The following ADAMTS9 variants were observed in gnomAD, a reference collection of about 807,000 sequenced individuals.
ADAMTS9 encodes the protein ADAM metallopeptidase with thrombospondin type 1 motif 9, also known as A disintegrin and metalloproteinase with thrombospondin motifs 9.
A neutral mutation model predicts 257.1 loss-of-function variants in ADAMTS9; 107 were observed. The ratio of observed to expected loss-of-function variants is 0.42; its 90% CI spans 0.36 to 0.49. The LOEUF (loss-of-function observed/expected upper bound fraction) is 0.49. Ranked by LOEUF, ADAMTS9 falls within the 20% of genes least tolerant of loss-of-function variation. The probability of loss-of-function intolerance (pLI) is 0.03; values close to 1 mark genes in which losing one functional copy is unlikely to be tolerated. For missense variants in ADAMTS9, 2,353 were observed against 2,469.1 expected (o/e 0.95, Z 1.00); for synonymous variants, 982 against 880.9 (o/e 1.11, Z -2.03).
chr3:64,542,479 G>A (rs2083138946), intron 32 of ADAMTS9, among the ~76,000 whole-genome samples: 1 of 145,492 alleles, frequency 6.9e-6, no homozygotes, highest in African/African-American at 2.6e-5. Flanking sequence ...CTAGGCCGGA[G>A]TGCAATGGCA....
chr3:64,668,738 C>A lies in ADAMTS9; in HGVS notation c.680-9947G>T, dbSNP rs1576179137. ...CTGCTGGAACGAAGTGGCTCCCAGG[C>A]CTGCCGCTGGGATCTGCCTGCTATC... is the stretch of plus-strand genomic sequence containing the variant. On this transcript the variant is annotated intron_variant, in intron 3 of 39. Transcript: ENST00000498707. 3.9e-5 allele frequency among the ~76,000 whole-genome samples: 6 copies of A among 152,254 alleles called. No individual in the cohort carries two copies. The South Asian group carries it at 1.2e-3, about 32-fold the overall frequency.
At chr3:64,624,324 AAAC>A (rs1386145996) in intron 16 of ADAMTS9, among the ~76,000 whole-genome samples, 1 of 152,120 alleles carries the variant, frequency 6.6e-6, no homozygotes, top group Non-Finnish European at 1.5e-5. Flanking sequence ...AGAAAAAAGA[AAAC>A]AAAAGGAAAT....
rs560286644 is a variant in ADAMTS9, at chr3:64,539,030, C to G, written c.5613+173G>C. On this transcript the variant is annotated intron_variant, in intron 37 of 39. Coordinates refer to ENST00000498707, the MANE Select transcript of ADAMTS9 (RefSeq NM_182920.2). Reference sequence around the variant, plus strand: ...TTTCCTTAGGACCCACTTTCAGGAGCTGAATTACGAGATTAGACTCCAGAG... The same window carrying G: ...TTTCCTTAGGACCCACTTTCAGGAGGTGAATTACGAGATTAGACTCCAGAG... Among the ~76,000 whole-genome samples the G allele has an allele frequency of 6.6e-5, 10 of 152,258 alleles. 1 individual carries two copies. The highest frequency in any genetic ancestry group is 2.2e-4 in the African/African-American group (9 of 41,558).
At chr3:64,535,915 G>C (rs1188740128) in intron 37 of ADAMTS9, among the ~76,000 whole-genome samples, 1 of 151,836 alleles carries the variant, frequency 6.6e-6, no homozygotes, top group Non-Finnish European at 1.5e-5. Context: ...AACTCAAAGT[G>C]CCCAGGCCAT....
chr3:64,591,916 T>C (rs1451562748), intron 28 of ADAMTS9, among the ~76,000 whole-genome samples: 1 of 152,182 alleles, frequency 6.6e-6, no homozygotes, highest in East Asian at 1.9e-4. Context: ...ATACTTTTTA[T>C]TGTTGTTAGT....
At chr3:64,594,956 T>G (rs2084337063) in intron 27 of ADAMTS9, among the ~76,000 whole-genome samples, 1 of 152,074 alleles carries the variant, frequency 6.6e-6, no homozygotes, top group Admixed American at 6.6e-5. Context: ...TCGGCTAATT[T>G]TTTTGTATTT....
At position 64,536,832 on chromosome 3, in the gene ADAMTS9, T is replaced by C. The variant is rs79260672; in HGVS notation, c.5613+2371A>G. Reference sequence around the variant, plus strand: ...CATCTACTGTCATCAGGATAAAAAATATTCTGGTTATGTTTCAAGATGAGG... The same window carrying C: ...CATCTACTGTCATCAGGATAAAAAACATTCTGGTTATGTTTCAAGATGAGG... On this transcript the variant is annotated intron_variant, in intron 37 of 39. Coordinates refer to ENST00000498707, the MANE Select transcript of ADAMTS9 (RefSeq NM_182920.2). Among the ~76,000 whole-genome samples the C allele has an allele frequency of 7.0e-3, 1,062 of 152,242 alleles. 8 individuals carry two copies. The highest frequency in any genetic ancestry group is 0.025 in the African/African-American group (1,036 of 41,512).
intron 3 of ADAMTS9, among the ~76,000 whole-genome samples, chr3:64,668,721 A>G (rs1701409374): frequency 6.6e-6 from 1 of 152,314 alleles, no homozygotes; most frequent in African/African-American, 2.4e-5. Flanking sequence ...GGCTGCTGGA[A>G]CGAAGTGGCT....
chr3:64,594,478 G>A (rs778172666), intron 27 of ADAMTS9, 44 bp from the exon 28 acceptor site: 7 of 1,593,088 alleles, frequency 4.4e-6, no homozygotes, highest in African/African-American at 1.3e-5. Flanking sequence ...TGTCTGAAAG[G>A]CCAATGACAA....
Position 64,654,254 on chromosome 3 carries a change from C to T in ADAMTS9, c.1316+99G>A, listed in dbSNP as rs552864119. 22 of 1,201,212 alleles carry T rather than the reference C, an allele frequency of 1.8e-5. No homozygotes were observed. The Admixed American group carries it at 1.9e-4, about 10-fold the overall frequency. The allele number at this position is 1,201,212 out of a possible 1,614,324, so 74.4% of individuals were successfully genotyped here. On this transcript the variant is annotated intron_variant, in intron 8 of 39. Transcript: ENST00000498707. The stretch of plus-strand genomic sequence containing the variant: ...GCAACTCTACTATGACTCGGGAAGT[C>T]TCTTACACACTCGAAAGTCAAGTAA...
At chr3:64,650,001 G>A in intron 9 of ADAMTS9, 1 of 487,302 alleles carries the variant, frequency 2.1e-6, no homozygotes, top group Admixed American at 3.9e-5. Flanking sequence ...TAGCCAGTAG[G>A]AAATATACAC....
At chr3:64,611,031 G>C (rs1358681703) in intron 22 of ADAMTS9, among the ~76,000 whole-genome samples, 1 of 142,328 alleles carries the variant, frequency 7.0e-6, no homozygotes, top group Non-Finnish European at 1.5e-5. Flanking sequence ...AGCCGAGATG[G>C]CGCCACTGCA....
rs80061396 is a variant in ADAMTS9 at position 64,605,024 on chromosome 3, G to C, written c.3475-693C>G. Among the ~76,000 whole-genome samples, 499 of 152,332 alleles carry C rather than the reference G, an allele frequency of 3.3e-3. 12 individuals carry two copies. In the East Asian group the frequency reaches 0.045, roughly 14 times the overall value. On this transcript the variant is annotated intron_variant, in intron 23 of 39. Coordinates refer to ENST00000498707, the MANE Select transcript of ADAMTS9 (RefSeq NM_182920.2). ...CTTAATACATATTCATCAAATGCCT[G>C]AGTGTGCTGTACACAGTGCAAAAGT...
rs557783453 is a variant in ADAMTS9 at position 64,524,999 on chromosome 3, T to C, written c.5719-2739A>G. Among the ~76,000 whole-genome samples the C allele has an allele frequency of 3.7e-4, 56 of 152,320 alleles. 1 individual carries two copies. Among genetic ancestry groups the C allele is most frequent in the Middle Eastern group, 6.8e-3 (2 of 294 alleles). On this transcript the variant is annotated intron_variant, in intron 38 of 39. Transcript: ENST00000498707. ...TCTTCAGAACTCAGTTCAAAGCCCA[T>C]TTCTTCTGAGAAACCTTCCTGACCT...
intron 6 of ADAMTS9, 24 bp downstream of exon 6, chr3:64,655,552 C>T (rs761894244): frequency 1.5e-5 from 23 of 1,570,764 alleles, no homozygotes; most frequent in South Asian, 1.3e-4. Context: ...ACTGAAAGAT[C>T]TGAGGAATAA....
chr3:64,602,529 T>A lies in ADAMTS9; in HGVS notation c.3748-316A>T, dbSNP rs114526520. Among the ~76,000 whole-genome samples the A allele has an allele frequency of 5.8e-3, 886 of 152,306 alleles. 6 individuals are homozygous for A. Among genetic ancestry groups the A allele is most frequent in the Middle Eastern group, 0.027 (8 of 294 alleles). On this transcript the variant is annotated intron_variant, in intron 25 of 39. Coordinates refer to ENST00000498707, the MANE Select transcript of ADAMTS9 (RefSeq NM_182920.2). ...TTGATCTACTAGACCCTTTATGATG[T>A]GGCCACTGACTACCCCTTTGACCCA... is the stretch of plus-strand genomic sequence containing the variant.
intron 27 of ADAMTS9, among the ~76,000 whole-genome samples, chr3:64,595,527 T>C (rs2106792724): frequency 6.6e-6 from 1 of 152,272 alleles, no homozygotes; most frequent in South Asian, 2.1e-4. Context: ...TGAATCCAAT[T>C]ACAGAAGCTT....
intron 38 of ADAMTS9, among the ~76,000 whole-genome samples, chr3:64,525,062 C>A (rs779282105): frequency 1.3e-5 from 2 of 152,210 alleles, no homozygotes; most frequent in Non-Finnish European, 2.9e-5. Context: ...ATGGGTAATT[C>A]TTTCTTTAAC....
intron 31 of ADAMTS9, among the ~76,000 whole-genome samples, chr3:64,549,100 G>C (rs1358370265): frequency 6.6e-6 from 1 of 152,210 alleles, no homozygotes; most frequent in Non-Finnish European, 1.5e-5. Context: ...GCTGGTGCCA[G>C]TCCCTTTCGG....
Sources: gnomAD v4.1 joint callset for allele counts (sites outside exome capture counted in the v4.1 genomes callset) on GRCh38, gnomAD v4.1.1 for gene constraint, MANE v1.5 for transcripts, NCBI Gene and HGNC (gene_info 2026-07-23, HGNC 2026-07-21) for gene names.